Variants in EPAS1 observed in about 807,000 individuals in gnomAD.
EPAS1 encodes the protein endothelial PAS domain-containing protein 1.
EPAS1 carries 23 observed loss-of-function variants against 87.9 expected under a neutral mutation model. The observed-to-expected ratio is 0.26, with a 90% CI of 0.19 to 0.37. The LOEUF is 0.37. EPAS1 is among the 10% of genes least tolerant of loss of function. The pLI is 1.00. For missense variants in EPAS1, 1,138 were observed against 1,120.7 expected (o/e 1.02, Z -0.22); for synonymous variants, 508 against 444.3 (o/e 1.14, Z -1.80).
Position 46,356,309 on chromosome 2 carries a change from C to T in EPAS1, c.369+7C>T, listed in dbSNP as rs757833480. The stretch of plus-strand genomic sequence containing the variant: ...GTTCATGGGACTTACACAGGTGACA[C>T]CCTCCTCTATCTCTTTCAAAAGAAG... On this transcript the variant is annotated splice_region_variant and intron_variant, in intron 3 of 15. Transcript: ENST00000263734. The T allele has an allele frequency of 2.5e-6, 4 of 1,614,114 alleles. No homozygotes were observed. The highest frequency in any genetic ancestry group is 2.7e-5 in the African/African-American group (2 of 75,026).
At chr2:46,372,482 GA>G (rs1206920925) in intron 7 of EPAS1, among the ~76,000 whole-genome samples, 1 of 152,192 alleles carries the variant, frequency 6.6e-6, no homozygotes, top group African/African-American at 2.4e-5. Flanking sequence ...GAAATGCCTG[GA>G]GAAGCTCAAC....
At position 46,386,170 on chromosome 2, in the gene EPAS1, A is replaced by G. The variant is rs1442899377; in HGVS notation, c.*1510A>G. 6.6e-6 allele frequency: 1 copy of G among 152,542 alleles called. No individual in the cohort carries two copies. Among genetic ancestry groups the G allele is most frequent in the African/African-American group, 2.4e-5 (1 of 41,402 alleles). 9.4% of individuals were successfully genotyped at this position (152,542 alleles called of 1,614,324 possible). A position where few individuals can be genotyped will look rare whatever the true frequency, so the allele number is the denominator to read the frequency against. ...AATAGTGTTCCCAGAGCACTTTGCA[A>G]CTCCCTGGGTAAGAGGGACGACACC... On this transcript the variant is annotated 3_prime_UTR_variant, in exon 16 of 16. Coordinates refer to ENST00000263734, the MANE Select transcript of EPAS1 (RefSeq NM_001430.5).
chr2:46,384,475 G>C (rs1291308608), intron 15 of EPAS1, 34 bp from the exon 16 acceptor site: 1 of 1,614,132 alleles, frequency 6.2e-7, no homozygotes, highest in Non-Finnish European at 8.5e-7. Context: ...GTTCGATTTA[G>C]GCCTTTAAGT....
At chr2:46,319,884 CTA>C (rs1464259161) in intron 1 of EPAS1, among the ~76,000 whole-genome samples, 1 of 152,142 alleles carries the variant, frequency 6.6e-6, no homozygotes, top group Non-Finnish European at 1.5e-5. Context: ...GATTTCTTGT[CTA>C]TGTGGGAAAG....
intron 2 of EPAS1, among the ~76,000 whole-genome samples, chr2:46,350,054 T>C (rs1684117846): frequency 6.6e-6 from 1 of 152,228 alleles, no homozygotes; most frequent in African/African-American, 2.4e-5. Context: ...CTGCCACATA[T>C]TAAGCTCTCA....
Position 46,369,714 on chromosome 2 carries a change from T to C in EPAS1, c.780-113T>C, listed in dbSNP as rs546376998. 10 of 740,060 alleles carry C rather than the reference T, an allele frequency of 1.4e-5. No individual in the cohort carries two copies. The African/African-American group carries it at 1.7e-4, about 13-fold the overall frequency. 45.8% of individuals were successfully genotyped at this position (740,060 alleles called of 1,614,324 possible). Reference sequence around the variant, plus strand: ...TGGTACAACAAGAAAGTCTGGATTGTGTTCATCTGCATGTGTGTGTTTGAT... The same window carrying C: ...TGGTACAACAAGAAAGTCTGGATTGCGTTCATCTGCATGTGTGTGTTTGAT... On this transcript the variant is annotated intron_variant, in intron 6 of 15. Coordinates refer to ENST00000263734, the MANE Select transcript of EPAS1 (RefSeq NM_001430.5).
At position 46,300,461 on chromosome 2, in the gene EPAS1, G is replaced by A. The variant is rs2104833744; in HGVS notation, c.26+2524G>A. ...TTCACACGTCGATAAATATGTTAAT[G>A]TTTAATAATAAAGAGTTTGCTTTCT... On this transcript the variant is annotated intron_variant, in intron 1 of 15. Transcript: ENST00000263734. This position sits in a 1 kb window ranked among gnomAD's most constrained non-coding sequence, Gnocchi z 4.1. Among the ~76,000 whole-genome samples, 1 of 152,340 alleles carries A rather than the reference G, an allele frequency of 6.6e-6. No individual in the cohort carries two copies. The highest frequency in any genetic ancestry group is 3.4e-3 in the Middle Eastern group (1 of 294).
rs1401499560 is a variant in EPAS1 at position 46,356,308 on chromosome 2, A to G, written c.369+6A>G. The G allele has an allele frequency of 1.2e-6, 2 of 1,613,962 alleles. No individual in the cohort carries two copies. Among genetic ancestry groups the G allele is most frequent in the Non-Finnish European group, 1.7e-6 (2 of 1,179,912 alleles). On this transcript the variant is annotated splice_donor_region_variant and intron_variant, in intron 3 of 15. Transcript: ENST00000263734. ...AGTTCATGGGACTTACACAGGTGACACCCTCCTCTATCTCTTTCAAAAGAA... is the reference window on the plus strand; with the variant it reads ...AGTTCATGGGACTTACACAGGTGACGCCCTCCTCTATCTCTTTCAAAAGAA...
At chr2:46,379,094 G>A (rs1009566218) in intron 11 of EPAS1, among the ~76,000 whole-genome samples, 1 of 152,190 alleles carries the variant, frequency 6.6e-6, no homozygotes, top group African/African-American at 2.4e-5. Flanking sequence ...TATAAAACAT[G>A]TATAAACATA....
chr2:46,370,874 C>T (rs1388863330), intron 7 of EPAS1, among the ~76,000 whole-genome samples: 2 of 152,096 alleles, frequency 1.3e-5, no homozygotes, highest in African/African-American at 4.8e-5. Flanking sequence ...GGCCTATAAC[C>T]CTGTACTTGG....
At chr2:46,310,823 A>G (rs1683195788) in intron 1 of EPAS1, among the ~76,000 whole-genome samples, 1 of 152,228 alleles carries the variant, frequency 6.6e-6, no homozygotes, top group African/African-American at 2.4e-5. Flanking sequence ...GAGGGAGGCT[A>G]TATAACTCCT....
At chr2:46,379,141 G>A (rs1028139545) in intron 11 of EPAS1, among the ~76,000 whole-genome samples, 3 of 152,142 alleles carry the variant, frequency 2.0e-5, no homozygotes, top group African/African-American at 7.2e-5. Context: ...CATTCATCTT[G>A]TGATTTTAAA....
At chr2:46,299,926 T>C (rs1682963244) in intron 1 of EPAS1, among the ~76,000 whole-genome samples, 1 of 152,242 alleles carries the variant, frequency 6.6e-6, no homozygotes, top group Non-Finnish European at 1.5e-5. Context: ...GGGGACTGCC[T>C]GCGAAACGCC....
Position 46,380,680 on chromosome 2 carries a change from CCT to C in EPAS1, c.2009_2010del (p.Pro670ArgfsTer45). On this transcript the variant is annotated frameshift_variant, in exon 12 of 16. Coordinates refer to ENST00000263734, the MANE Select transcript of EPAS1 (RefSeq NM_001430.5). LOFTEE classifies it high-confidence loss of function. This position sits in a 1 kb window ranked among gnomAD's most constrained non-coding sequence, Gnocchi z 4.4. ...EFLGAAPLGP[P>X]VSPPHVSTFK... Reference sequence around the variant, plus strand: ...CTTGGGAGCAGCGCCGTTGGGGCCCCCTGTCTCTCCACCCCATGTCTCCACCT... The same window carrying C: ...CTTGGGAGCAGCGCCGTTGGGGCCCCGTCTCTCCACCCCATGTCTCCACCT... The C allele has an allele frequency of 1.2e-6, 2 of 1,613,778 alleles. No homozygotes were observed. The highest frequency in any genetic ancestry group is 1.7e-6 in the Non-Finnish European group (2 of 1,180,016).
intron 6 of EPAS1, among the ~76,000 whole-genome samples, chr2:46,364,564 C>T (rs1480015328): frequency 6.6e-6 from 1 of 152,164 alleles, no homozygotes; most frequent in Non-Finnish European, 1.5e-5. Context: ...CATTTGTCCT[C>T]CTGTTAATGA....
intron 1 of EPAS1, among the ~76,000 whole-genome samples, chr2:46,327,840 G>A (rs1227531543): frequency 2.0e-5 from 3 of 152,172 alleles, no homozygotes; most frequent in East Asian, 1.9e-4. Flanking sequence ...ACCTCCAGAG[G>A]GCAGTGCACA....
chr2:46,375,859 G>A lies in EPAS1; in HGVS notation c.1034+22G>A. 2 of 1,614,064 alleles carry A rather than the reference G, an allele frequency of 1.2e-6. No homozygotes were observed. Among genetic ancestry groups the A allele is most frequent in the Middle Eastern group, 1.7e-4 (1 of 6,010 alleles). Reference sequence around the variant, plus strand: ...TGAGGTAAGCATGTGAGGGCTGGCGGGCCTTGGTGCAGGGTATGTGGGGGT... The same window carrying A: ...TGAGGTAAGCATGTGAGGGCTGGCGAGCCTTGGTGCAGGGTATGTGGGGGT... On this transcript the variant is annotated intron_variant, in intron 8 of 15. Coordinates refer to ENST00000263734, the MANE Select transcript of EPAS1 (RefSeq NM_001430.5). This position sits in a 1 kb window ranked among gnomAD's most constrained non-coding sequence, Gnocchi z 4.1.
chr2:46,358,849 G>T (rs568887566), intron 4 of EPAS1, among the ~76,000 whole-genome samples: 2 of 152,340 alleles, frequency 1.3e-5, no homozygotes, highest in East Asian at 3.9e-4. Context: ...CCATGAGGCA[G>T]ATTGTGGAAG....
intron 1 of EPAS1, among the ~76,000 whole-genome samples, chr2:46,338,348 T>C (rs1157818314): frequency 6.6e-6 from 1 of 152,242 alleles, no homozygotes; most frequent in Non-Finnish European, 1.5e-5. Context: ...CCTAGTTATA[T>C]AGTCAGTATC....
Sources: gnomAD v4.1 joint callset for allele counts (sites outside exome capture counted in the v4.1 genomes callset) on GRCh38, gnomAD v4.1.1 for gene constraint, Gnocchi (gnomAD v3.1) non-coding constraint, MANE v1.5 for transcripts, NCBI Gene and HGNC (gene_info 2026-07-23, HGNC 2026-07-21) for gene names.